The following ATAD2 variants were observed in gnomAD, a reference collection of about 807,000 sequenced individuals.
ATAD2 encodes ATPase family AAA domain containing 2.
A neutral mutation model predicts 168.9 loss-of-function variants in ATAD2; 62 were observed. The ratio of observed to expected loss-of-function variants is 0.37; its 90% CI spans 0.30 to 0.45. The LOEUF (loss-of-function observed/expected upper bound fraction) is 0.45. Among genes scored for constraint, ATAD2 ranks in the 20% least tolerant of loss-of-function variants. The probability of loss-of-function intolerance (pLI) is 1.00; values close to 1 mark genes in which losing one functional copy is unlikely to be tolerated. For synonymous variants in ATAD2, 613 were observed against 571.6 expected, an observed-to-expected ratio of 1.07 and a Z score of -1.03; for missense variants, 1,419 against 1,667.8, an observed-to-expected ratio of 0.85 and a Z score of 2.60.
At chr8:123,355,779 C>G (rs1828622854) in intron 13 of ATAD2, among the ~76,000 whole-genome samples, 1 of 152,216 alleles carries the variant, frequency 6.6e-6, no homozygotes, top group African/African-American at 2.4e-5. Flanking sequence ...ATAGGACATT[C>G]AGCCACATTC....
At position 123,337,751 on chromosome 8, in the gene ATAD2, C is replaced by A; in HGVS notation, c.2925G>T (p.Val975=). The A allele has an allele frequency of 1.2e-6, 2 of 1,613,590 alleles. No homozygotes were observed. The highest frequency in any genetic ancestry group is 1.7e-6 in the Non-Finnish European group (2 of 1,179,796). ...CTTCTTCTTGTTCTTCTAGTCGTTT[C>A]ACTTCTTCTGCTGTCAGTGATCTTG... ...PEPRSLTAEE[V]KRLEEQEEDT... is the part of the protein sequence containing the mutation. The change falls in exon 21 of 28, where the codon GTG becomes GTT. Residue 975 remains valine (V), a synonymous_variant. Transcript: ENST00000287394.
At chr8:123,409,020 GT>G (rs1163878564) in intron 1 of ATAD2, among the ~76,000 whole-genome samples, 5 of 151,146 alleles carry the variant, frequency 3.3e-5, no homozygotes, top group African/African-American at 1.2e-4. Flanking sequence ...TAGAGACGGG[GT>G]TTTGCTGTGT....
At chr8:123,346,316 T>G (rs984612155) in intron 17 of ATAD2, 44 bp from the exon 18 acceptor site, 4 of 1,484,514 alleles carry the variant, frequency 2.7e-6, no homozygotes, top group African/African-American at 1.4e-5. Context: ...GAAAAAACAG[T>G]TTAAATTTTC....
intron 9 of ATAD2, among the ~76,000 whole-genome samples, chr8:123,360,659 G>T (rs993915227): frequency 1.3e-5 from 2 of 151,898 alleles, no homozygotes; most frequent in African/African-American, 4.8e-5. Flanking sequence ...TCAGGAGTTC[G>T]AGACCAGCCT....
At chr8:123,349,562 C>T in intron 13 of ATAD2, 118 bp from the exon 14 acceptor site, 1 of 913,534 alleles carries the variant, frequency 1.1e-6, no homozygotes, top group Non-Finnish European at 1.6e-6. Context: ...TTTCTCAGGG[C>T]ACCTCACTAT....
chr8:123,365,236 C>T (rs1200102409), intron 8 of ATAD2, among the ~76,000 whole-genome samples: 1 of 152,050 alleles, frequency 6.6e-6, no homozygotes, highest in African/African-American at 2.4e-5. Context: ...GGCAAAAGAC[C>T]TCTACAAGGA....
At position 123,402,130 on chromosome 8, in the gene ATAD2, G is replaced by A. The variant is rs1368285987; in HGVS notation, c.-2281-955C>T. ...ACTGACAGCAGTGGAGGCCGAGGTG[G>A]TGGAGGGGGCACCCCCCAGTGTCCA... On this transcript the variant is annotated intron_variant, in intron 1 of 28. Coordinates refer to the ATAD2 transcript ENST00000521903. This position sits in a 1 kb window ranked among gnomAD's most constrained non-coding sequence, Gnocchi z 4.8. 5.7e-5 allele frequency: 47 copies of A among 828,370 alleles called. No individual in the cohort carries two copies. The South Asian group carries it at 6.5e-4, about 11-fold the overall frequency. 51.3% of individuals were successfully genotyped at this position (828,370 alleles called of 1,614,324 possible).
At chr8:123,345,769 G>A (rs1157293880) in intron 18 of ATAD2, among the ~76,000 whole-genome samples, 3 of 152,122 alleles carry the variant, frequency 2.0e-5, no homozygotes, top group Non-Finnish European at 2.9e-5. Context: ...ACTTACTAAG[G>A]AGCAGTCACC....
upstream of ATAD2, among the ~76,000 whole-genome samples, chr8:123,399,150 TA>T (rs1812965576): frequency 6.6e-6 from 1 of 151,824 alleles, no homozygotes. Flanking sequence ...TAGCCCCAGC[TA>T]CTCAGGAGGC....
intron 1 of ATAD2, among the ~76,000 whole-genome samples, chr8:123,405,031 G>T (rs1029048016): frequency 3.3e-5 from 5 of 152,076 alleles, no homozygotes; most frequent in Non-Finnish European, 5.9e-5. Context: ...CTACCCTAGG[G>T]GCTGGCAAAC....
upstream of ATAD2, chr8:123,400,607 G>A: frequency 1.7e-6 from 1 of 595,814 alleles, no homozygotes; most frequent in Non-Finnish European, 3.1e-6. The surrounding 1 kb of genome is among the most constrained non-coding windows in gnomAD (Gnocchi z 4.5). Flanking sequence ...CAGGGCACCG[G>A]CTGCGTGCCC....
intron 22 of ATAD2, among the ~76,000 whole-genome samples, chr8:123,335,841 AG>A (rs1199464532): frequency 3.9e-5 from 6 of 152,148 alleles, no homozygotes; most frequent in Admixed American, 2.0e-4. Context: ...TGAAAGCAGA[AG>A]GGGTATATGC....
intron 1 of ATAD2, among the ~76,000 whole-genome samples, chr8:123,407,038 G>T (rs1431151305): frequency 6.6e-6 from 1 of 152,216 alleles, no homozygotes; most frequent in Admixed American, 6.5e-5. Context: ...AAAGCATAGA[G>T]AGATTGGTGC....
intron 1 of ATAD2, among the ~76,000 whole-genome samples, chr8:123,404,604 T>C (rs1419957014): frequency 6.6e-6 from 1 of 151,678 alleles, no homozygotes; most frequent in Non-Finnish European, 1.5e-5. Context: ...TCTCGCTCTG[T>C]CGCCCAGGCT....
intron 1 of ATAD2, among the ~76,000 whole-genome samples, chr8:123,388,754 C>T (rs113489434): frequency 2.0e-5 from 3 of 152,144 alleles, no homozygotes; most frequent in African/African-American, 4.8e-5. Context: ...AGGCTGGTCT[C>T]GAACTTCTGG....
intron 1 of ATAD2, among the ~76,000 whole-genome samples, chr8:123,391,203 G>C (rs550949216): frequency 6.6e-6 from 1 of 151,726 alleles, no homozygotes; most frequent in Non-Finnish European, 1.5e-5. Flanking sequence ...TCTGATTCTG[G>C]AAGAAAAAGA....
chr8:123,414,176 T>G (rs1490335883), intron 1 of ATAD2, among the ~76,000 whole-genome samples: 1 of 151,250 alleles, frequency 6.6e-6, no homozygotes, highest in South Asian at 2.1e-4. Flanking sequence ...AAATCATAGT[T>G]GCTAACATTT....
At chr8:123,393,527 T>A (rs1812690657) in intron 1 of ATAD2, among the ~76,000 whole-genome samples, 1 of 150,704 alleles carries the variant, frequency 6.6e-6, no homozygotes, top group Non-Finnish European at 1.5e-5. Flanking sequence ...AATAAATGCA[T>A]AAATAAAGAG....
intron 18 of ATAD2, among the ~76,000 whole-genome samples, chr8:123,345,506 CAAA>C (rs34282183): frequency 4.0e-5 from 2 of 50,122 alleles, no homozygotes. Context: ...TATTAAAATA[CAAA>C]AAAAAAAAAA....
Sources: gnomAD v4.1 joint callset for allele counts (sites outside exome capture counted in the v4.1 genomes callset) on GRCh38, gnomAD v4.1.1 for gene constraint, Gnocchi (gnomAD v3.1) non-coding constraint, MANE v1.5 for transcripts, NCBI Gene and HGNC (gene_info 2026-07-23, HGNC 2026-07-21) for gene names.